DNAH6: variants seen among roughly 807,000 people sequenced by gnomAD.
DNAH6 encodes dynein axonemal heavy chain 6.
Under a neutral mutation model 491.4 loss-of-function variants are expected in DNAH6, and 340 were observed. That is an observed-to-expected ratio of 0.69 (90% CI 0.63 to 0.76). The LOEUF is 0.76. Ranked by LOEUF, DNAH6 falls within the 30% of genes least tolerant of loss-of-function variation. The pLI is 0.00. For missense variants in DNAH6, 4,443 were observed against 4,972.2 expected, an observed-to-expected ratio of 0.89 and a Z score of 3.20; for synonymous variants, 1,603 against 1,686.1, an observed-to-expected ratio of 0.95 and a Z score of 1.21.
intron 11 of DNAH6, among the ~76,000 whole-genome samples, chr2:84,562,038 T>C (rs938803713): frequency 5.9e-5 from 9 of 152,120 alleles, no homozygotes; most frequent in East Asian, 1.9e-4. Context: ...GAAACTAGTA[T>C]ATAAATGTAT....
chr2:84,812,629 A>G (rs771651710), intron 73 of DNAH6, 103 bp downstream of exon 73: 146 of 931,704 alleles, frequency 1.6e-4, no homozygotes, highest in South Asian at 5.2e-4. Context: ...ACTGATGGAT[A>G]ATCTGAGCCC....
Position 84,527,236 on chromosome 2 carries a change from C to T in DNAH6, c.399+1498C>T, listed in dbSNP as rs1291861150. 2.6e-5 allele frequency among the ~76,000 whole-genome samples: 4 copies of T among 152,098 alleles called. No individual in the cohort carries two copies. The South Asian group carries it at 8.3e-4, about 32-fold the overall frequency. On this transcript the variant is annotated intron_variant, in intron 3 of 76. Coordinates refer to ENST00000389394, the MANE Select transcript of DNAH6 (RefSeq NM_001370.2). ...TTATCGAATCAGACGGGGCATCCATCAGGGAGGAGTACTGCATTGTACAGT... is the reference window on the plus strand; with the variant it reads ...TTATCGAATCAGACGGGGCATCCATTAGGGAGGAGTACTGCATTGTACAGT...
chr2:84,498,590 GCC>G, the DNAH6 span, among the ~76,000 whole-genome samples: 1 of 152,092 alleles, frequency 6.6e-6, no homozygotes, highest in Admixed American at 6.5e-5. Flanking sequence ...CAAGCCAAAG[GCC>G]TCCTGCTTCT....
chr2:84,805,882 C>A, intron 71 of DNAH6, 88 bp downstream of exon 71: 2 of 1,213,978 alleles, frequency 1.6e-6, no homozygotes, highest in Non-Finnish European at 2.2e-6. Context: ...TCAAAACCTG[C>A]TTATTATGTA....
At chr2:84,508,365 A>G in the DNAH6 span, among the ~76,000 whole-genome samples, 3 of 152,160 alleles carry the variant, frequency 2.0e-5, no homozygotes, top group Non-Finnish European at 4.4e-5. Context: ...AGAGGTGTTT[A>G]TAGTATTCTC....
intron 2 of DNAH6, among the ~76,000 whole-genome samples, chr2:84,519,645 T>C (rs1675948064): frequency 6.8e-6 from 1 of 146,932 alleles, no homozygotes; most frequent in South Asian, 2.4e-4. Flanking sequence ...TCCCCTCCTC[T>C]TCCTTCTTCT....
At chr2:84,469,126 C>T in the DNAH6 span, among the ~76,000 whole-genome samples, 1 of 152,124 alleles carries the variant, frequency 6.6e-6, no homozygotes, top group Non-Finnish European at 1.5e-5. This position sits in a 1 kb window ranked among gnomAD's most constrained non-coding sequence, Gnocchi z 4.0. Context: ...TCTCATTGAT[C>T]AAAATTTTAC....
chr2:84,662,617 G>T (rs923177062), intron 37 of DNAH6, among the ~76,000 whole-genome samples: 15 of 152,202 alleles, frequency 9.9e-5, no homozygotes, highest in Non-Finnish European at 1.6e-4. Context: ...GCTCAAACTG[G>T]GTGGAGCCCA....
chr2:84,805,855 T>A, intron 71 of DNAH6, 61 bp downstream of exon 71: 1 of 1,476,132 alleles, frequency 6.8e-7, no homozygotes, highest in Non-Finnish European at 9.1e-7. Context: ...CTCAGAGAAC[T>A]GAGTGATAAA....
At chr2:84,502,182 C>A in the DNAH6 span, among the ~76,000 whole-genome samples, 10,160 of 152,056 alleles carry the variant, frequency 0.067, 1,101 homozygotes, top group African/African-American at 0.23. Context: ...CCTCTTGGTA[C>A]CGCTTTTGCT....
At chr2:84,518,129 G>A (rs1675769679) in intron 2 of DNAH6, 78 bp downstream of exon 2, 3 of 1,060,816 alleles carry the variant, frequency 2.8e-6, no homozygotes, top group South Asian at 3.2e-5. Context: ...TAGAAGTCAT[G>A]TCCAGACTCT....
the DNAH6 span, among the ~76,000 whole-genome samples, chr2:84,510,897 TA>T: frequency 5.3e-5 from 8 of 152,158 alleles, no homozygotes; most frequent in African/African-American, 1.7e-4. Context: ...CAGATATTGG[TA>T]AACAGCAAAT....
chr2:84,747,520 T>C (rs1290333101), intron 63 of DNAH6, among the ~76,000 whole-genome samples: 1 of 152,228 alleles, frequency 6.6e-6, no homozygotes, highest in Non-Finnish European at 1.5e-5. Context: ...TAGTAAGCCC[T>C]GTCCCCATGG....
Position 84,634,499 on chromosome 2 carries a change from T to A in DNAH6, c.4516-5T>A, listed in dbSNP as rs1462928085. On this transcript the variant is annotated splice_region_variant and splice_polypyrimidine_tract_variant and intron_variant, in intron 29 of 76. Transcript: ENST00000389394. ...CAAAGTTGAACTGCTTTATTTTGAT[T>A]TCAGATGATGGGGCGCTTCTTCAGT... 1 of 1,531,864 alleles carries A rather than the reference T, an allele frequency of 6.5e-7. No individual in the cohort carries two copies. Among genetic ancestry groups the A allele is most frequent in the South Asian group, 1.2e-5 (1 of 80,386 alleles). The allele number at this position is 1,531,864 out of a possible 1,614,324, so 94.9% of individuals were successfully genotyped here. A position where few individuals can be genotyped will look rare whatever the true frequency, so the allele number is the denominator to read the frequency against.
At chr2:84,571,515 T>C (rs1573057856) in intron 11 of DNAH6, among the ~76,000 whole-genome samples, 1 of 152,156 alleles carries the variant, frequency 6.6e-6, no homozygotes, top group African/African-American at 2.4e-5. Flanking sequence ...AGTCTAATCA[T>C]GAGGAAATAT....
intron 22 of DNAH6, among the ~76,000 whole-genome samples, chr2:84,615,020 G>A (rs1263245449): frequency 1.3e-5 from 2 of 150,714 alleles, no homozygotes; most frequent in Non-Finnish European, 2.9e-5. Context: ...AAGCTTTTAA[G>A]TTTAAGTCCC....
intron 12 of DNAH6, among the ~76,000 whole-genome samples, chr2:84,576,416 A>G (rs1682452389): frequency 6.6e-6 from 1 of 152,194 alleles, no homozygotes; most frequent in Non-Finnish European, 1.5e-5. Flanking sequence ...GAATAAAGGC[A>G]GGAAACAGCA....
At chr2:84,804,385 CATA>C (rs1218002773) in intron 70 of DNAH6, among the ~76,000 whole-genome samples, 2 of 151,940 alleles carry the variant, frequency 1.3e-5, no homozygotes, top group African/African-American at 4.8e-5. Context: ...TTAGAAGACT[CATA>C]ATATTGAAAA....
chr2:84,686,633 C>A lies in DNAH6; in HGVS notation c.7137+76C>A, dbSNP rs1694286773. 10 of 944,202 alleles carry A rather than the reference C, an allele frequency of 1.1e-5. No homozygotes were observed. The South Asian group carries it at 1.6e-4, about 15-fold the overall frequency. The allele number at this position is 944,202 out of a possible 1,614,324, so 58.5% of individuals were successfully genotyped here. A position where few individuals can be genotyped will look rare whatever the true frequency, so the allele number is the denominator to read the frequency against. ...TTATTTTCCAATTCAAATGAATATT[C>A]TATAAAAACTTTACATGTGTGAGGA... On this transcript the variant is annotated intron_variant, in intron 44 of 76. Transcript: ENST00000389394.
Sources: allele counts gnomAD v4.1 joint callset (sites outside exome capture counted in the v4.1 genomes callset), GRCh38; gene constraint gnomAD v4.1.1; non-coding constraint Gnocchi (gnomAD v3.1); transcripts MANE v1.5; gene names NCBI Gene and HGNC (gene_info 2026-07-23, HGNC 2026-07-21).